The following ERVK3-1 variants were observed in gnomAD, a reference collection of about 807,000 sequenced individuals.
ERVK3-1 encodes the protein HERV-K(HML6-1).
chr19:58,306,393 C>T lies in ERVK3-1; in HGVS notation c.-4+177C>T, dbSNP rs1051096379. 24 of 152,154 alleles carry T rather than the reference C, an allele frequency of 1.6e-4. 1 individual carries two copies. The highest frequency in any genetic ancestry group is 5.8e-4 in the African/African-American group (24 of 41,420). 9.4% of individuals were successfully genotyped at this position (152,154 alleles called of 1,614,324 possible). ...TTCTGCAGGAGGTTATTACACATAA[C>T]CCATGGTTTCTGCAGACAGGTACTC... On this transcript the variant is annotated intron_variant, in intron 2 of 3. Coordinates refer to ENST00000413518, the Ensembl canonical transcript of ERVK3-1.
chr19:58,315,996 CT>C (rs2051590382), downstream of ERVK3-1, among the ~76,000 whole-genome samples: 1 of 152,124 alleles, frequency 6.6e-6, no homozygotes, highest in Non-Finnish European at 1.5e-5. Flanking sequence ...CGGGTGCCCC[CT>C]ACCCTGTAGC....
chr19:58,306,821 C>T (rs2051526930), intron 2 of ERVK3-1, among the ~76,000 whole-genome samples: 1 of 151,722 alleles, frequency 6.6e-6, no homozygotes, highest in African/African-American at 2.4e-5. Context: ...GAACACACTC[C>T]AGTAAAATTT....
chr19:58,316,426 C>T (rs539850872), downstream of ERVK3-1, among the ~76,000 whole-genome samples: 7 of 152,296 alleles, frequency 4.6e-5, no homozygotes, highest in Admixed American at 1.3e-4. Context: ...CCTGTAATCC[C>T]AGCATTTTGG....
chr19:58,315,453 G>C (rs190648897), exon 4 of ERVK3-1: 20 of 152,306 alleles, frequency 1.3e-4, no homozygotes, highest in Admixed American at 1.2e-3. Context: ...ACAATATGTG[G>C]TTTCTTGTGT....
chr19:58,314,485 G>T (rs2051577244), intron 3 of ERVK3-1, among the ~76,000 whole-genome samples: 2 of 151,930 alleles, frequency 1.3e-5, no homozygotes, highest in South Asian at 4.2e-4. Context: ...AAATTAGCTG[G>T]GTGTGGTGGC....
Position 58,308,355 on chromosome 19 carries a change from T to C in ERVK3-1, c.-4+2139T>C, listed in dbSNP as rs543308654. On this transcript the variant is annotated intron_variant, in intron 2 of 3. Transcript: ENST00000413518. ...AAACAATTGGCCCCTGCTACTAACC[T>C]CTGCATCCTTAGTGGGAGTAGGAAC... Among the ~76,000 whole-genome samples the C allele has an allele frequency of 1.5e-3, 229 of 152,342 alleles. 1 individual carries two copies. The highest frequency in any genetic ancestry group is 5.3e-3 in the African/African-American group (219 of 41,586).
rs1292351401 is a variant in ERVK3-1, at chr19:58,313,147, T to C, written c.294+685T>C. The C allele has an allele frequency of 2.0e-5, 3 of 152,244 alleles. No homozygotes were observed. Among genetic ancestry groups the C allele is most frequent in the East Asian group, 1.9e-4 (1 of 5,202 alleles). The allele number at this position is 152,244 out of a possible 1,614,324, so 9.4% of individuals were successfully genotyped here. On this transcript the variant is annotated intron_variant, in intron 3 of 3. Transcript: ENST00000413518. This position sits in a 1 kb window ranked among gnomAD's most constrained non-coding sequence, Gnocchi z 4.5. ...CAGAGGCCCAATTCAGGAATCGATATGGAAGGCAACACTCCCATTTATGAA... is the reference window on the plus strand; with the variant it reads ...CAGAGGCCCAATTCAGGAATCGATACGGAAGGCAACACTCCCATTTATGAA...
At chr19:58,306,796 C>T (rs2051526746) in intron 2 of ERVK3-1, among the ~76,000 whole-genome samples, 1 of 152,146 alleles carries the variant, frequency 6.6e-6, no homozygotes, top group African/African-American at 2.4e-5. Context: ...AAATAATCCA[C>T]AGCAGTTTAT....
exon 2 of ERVK3-1, chr19:58,306,196 T>G (rs1373852932): frequency 6.6e-6 from 1 of 151,170 alleles, no homozygotes; most frequent in Non-Finnish European, 1.5e-5. Flanking sequence ...GACGGGAGAG[T>G]CTGCCGGCGG....
In ERVK3-1 at chr19:58,313,292, T is replaced by C. The variant is rs928385611; in HGVS notation, c.294+830T>C. Among the ~76,000 whole-genome samples, 1 of 152,192 alleles carries C rather than the reference T, an allele frequency of 6.6e-6. No individual in the cohort carries two copies. The highest frequency in any genetic ancestry group is 6.5e-5 in the Admixed American group (1 of 15,278). ...ACGGTTTGTGGGTTTTTTGTTGTTG[T>C]TGTTAACTGTTTGAGATGGAGTCTC... On this transcript the variant is annotated intron_variant, in intron 3 of 3. Transcript: ENST00000413518. This position sits in a 1 kb window ranked among gnomAD's most constrained non-coding sequence, Gnocchi z 4.5.
At position 58,310,851 on chromosome 19, in the gene ERVK3-1, T is replaced by G. The variant is rs192591325; in HGVS notation, c.-3-1315T>G. On this transcript the variant is annotated intron_variant, in intron 2 of 3. Transcript: ENST00000413518. This position sits in a 1 kb window ranked among gnomAD's most constrained non-coding sequence, Gnocchi z 4.7. ...GACCGCCCCCCACCCTTTCCCGGTC[T>G]GCTAAGTAGCGGGTGTTGTTCCTTG... The G allele has an allele frequency of 4.0e-4, 160 of 402,810 alleles. No homozygotes were observed. Among genetic ancestry groups the G allele is most frequent in the African/African-American group, 3.1e-3 (150 of 48,340 alleles). 25.0% of individuals were successfully genotyped at this position (402,810 alleles called of 1,614,324 possible). A position where few individuals can be genotyped will look rare whatever the true frequency, so the allele number is the denominator to read the frequency against.
chr19:58,315,907 G>A (rs1007675404), downstream of ERVK3-1, among the ~76,000 whole-genome samples: 1 of 152,190 alleles, frequency 6.6e-6, no homozygotes, highest in African/African-American at 2.4e-5. Context: ...TCAAAGAGAA[G>A]GCGGCAGTGG....
downstream of ERVK3-1, among the ~76,000 whole-genome samples, chr19:58,316,332 C>G (rs1368611598): frequency 6.6e-6 from 1 of 152,134 alleles, no homozygotes; most frequent in Non-Finnish European, 1.5e-5. Context: ...TCTTTAAACC[C>G]TCCATCACTG....
At chr19:58,311,648 G>A (rs2051557355) in intron 2 of ERVK3-1, 1 of 152,214 alleles carries the variant, frequency 6.6e-6, no homozygotes, top group Non-Finnish European at 1.5e-5. Context: ...ACTCCGCTAT[G>A]TTCATGTAAT....
rs931142161 is a variant in ERVK3-1, at chr19:58,313,938, A to C, written c.295-810A>C. Reference sequence around the variant, plus strand: ...GTTGTAGTGTCCTCAGTAGCACTACATAGTTCTATTCAAACAGCCCAATAT... The same window carrying C: ...GTTGTAGTGTCCTCAGTAGCACTACCTAGTTCTATTCAAACAGCCCAATAT... On this transcript the variant is annotated intron_variant, in intron 3 of 3. Transcript: ENST00000413518. This position sits in a 1 kb window ranked among gnomAD's most constrained non-coding sequence, Gnocchi z 4.5. Among the ~76,000 whole-genome samples the C allele has an allele frequency of 1.3e-5, 2 of 152,250 alleles. No homozygotes were observed. Among genetic ancestry groups the C allele is most frequent in the African/African-American group, 4.8e-5 (2 of 41,470 alleles).
intron 2 of ERVK3-1, chr19:58,306,674 C>T (rs945481605): frequency 1.1e-4 from 17 of 152,160 alleles, no homozygotes; most frequent in East Asian, 3.8e-4. Context: ...CCTGTACTGT[C>T]CCCTCCAGTA....
Position 58,312,332 on chromosome 19 carries a change from C to T in ERVK3-1, c.164C>T (p.Thr55Ile). The change falls in exon 3 of 4, where the codon ACA (threonine) becomes ATA (isoleucine). Residue 55 changes from threonine to isoleucine, a missense_variant. Coordinates refer to ENST00000413518, the Ensembl canonical transcript of ERVK3-1. This position sits in a 1 kb window ranked among gnomAD's most constrained non-coding sequence, Gnocchi z 4.7. ...CAAGGGCCGACCGGAGTCACAATGA[C>T]ATCCAACCCCATAACATGGGGACAG... 2.5e-6 allele frequency: 1 copy of T among 400,196 alleles called. No individual in the cohort carries two copies. Among genetic ancestry groups the T allele is most frequent in the Admixed American group, 4.4e-5 (1 of 22,738 alleles). The allele number at this position is 400,196 out of a possible 1,614,324, so 24.8% of individuals were successfully genotyped here.
chr19:58,310,804 TA>T lies in ERVK3-1; in HGVS notation c.-3-1360del. On this transcript the variant is annotated intron_variant, in intron 2 of 3. Coordinates refer to ENST00000413518, the Ensembl canonical transcript of ERVK3-1. This position sits in a 1 kb window ranked among gnomAD's most constrained non-coding sequence, Gnocchi z 4.7. ...AGAGGTGGAGGAGCAGAGTCTTCTCTAACCTCCCCCAGGGAAAGGGAGACCG... is the reference window on the plus strand; with the variant it reads ...AGAGGTGGAGGAGCAGAGTCTTCTCTACCTCCCCCAGGGAAAGGGAGACCG... 1 of 345,818 alleles carries T rather than the reference TA, an allele frequency of 2.9e-6. No homozygotes were observed. Among genetic ancestry groups the T allele is most frequent in the Non-Finnish European group, 5.9e-6 (1 of 168,824 alleles). 21.4% of individuals were successfully genotyped at this position (345,818 alleles called of 1,614,324 possible). A position where few individuals can be genotyped will look rare whatever the true frequency, so the allele number is the denominator to read the frequency against.
downstream of ERVK3-1, among the ~76,000 whole-genome samples, chr19:58,316,386 C>G (rs1438770949): frequency 6.6e-6 from 1 of 152,174 alleles, no homozygotes; most frequent in African/African-American, 2.4e-5. Flanking sequence ...CTGTAAAACA[C>G]AAGCAGCAGG....
Sources: allele counts gnomAD v4.1 joint callset (sites outside exome capture counted in the v4.1 genomes callset), GRCh38; gene constraint gnomAD v4.1.1; non-coding constraint Gnocchi (gnomAD v3.1); transcripts MANE v1.5; gene names NCBI Gene and HGNC (gene_info 2026-07-23, HGNC 2026-07-21).